PPWD1: variants seen among roughly 807,000 people sequenced by gnomAD.
PPWD1 encodes peptidylprolyl isomerase domain and WD repeat containing 1, also known as peptidylprolyl isomerase domain and WD repeat-containing protein 1.
A neutral mutation model predicts 68.8 loss-of-function variants in PPWD1; 43 were observed. The observed-to-expected ratio is 0.62, with a 90% CI of 0.49 to 0.81. PPWD1 has a LOEUF of 0.81. Ranked by LOEUF, PPWD1 falls within the 30% of genes least tolerant of loss-of-function variation. The probability of loss-of-function intolerance (pLI) is 0.00; values close to 1 mark genes in which losing one functional copy is unlikely to be tolerated. For synonymous variants in PPWD1, 232 were observed against 258.7 expected, an observed-to-expected ratio of 0.90 and a Z score of 0.99; for missense variants, 672 against 804.8, an observed-to-expected ratio of 0.83 and a Z score of 2.00.
At position 65,576,934 on chromosome 5, in the gene PPWD1, G is replaced by T; in HGVS notation, c.1025G>T (p.Arg342Leu). Residue 342 changes from arginine (R) to leucine (L), a missense_variant, in exon 6 of 11, where the codon CGA becomes CTA. By Grantham distance (102) the Arg-to-Leu change is moderately radical. Coordinates refer to ENST00000261308, the MANE Select transcript of PPWD1 (RefSeq NM_015342.4). ...CAGTTACCAGACATGGAATTTGGCC[G>T]ACGAATGGCTGTAGAACGTGAGTTG... ...RQQLPDMEFG[R>L]RMAVERELEK... 6.2e-7 allele frequency: 1 copy of T among 1,614,070 alleles called. No individual in the cohort carries two copies. The highest frequency in any genetic ancestry group is 8.5e-7 in the Non-Finnish European group (1 of 1,179,978).
chr5:65,578,803 T>C (rs1753450354), intron 6 of PPWD1, among the ~76,000 whole-genome samples: 1 of 146,872 alleles, frequency 6.8e-6, no homozygotes, highest in African/African-American at 2.5e-5. Flanking sequence ...TATACATATA[T>C]ATGTGTATAT....
chr5:65,572,286 C>A lies in PPWD1; in HGVS notation c.969C>A (p.Ser323Arg). The A allele has an allele frequency of 6.3e-6, 10 of 1,591,080 alleles. No homozygotes were observed. The highest frequency in any genetic ancestry group is 1.4e-5 in the African/African-American group (1 of 73,674). The change falls in exon 5 of 11, where the codon AGC becomes AGA. Residue 323 changes from serine to arginine, a missense_variant and splice_region_variant. This residue lies in a region of PPWD1 where 484 missense variants were observed against 646.2 expected (regional missense o/e 0.75). Transcript: ENST00000261308. ...KLMRVFDESL[S>R]MFTELQQMRQ... The stretch of plus-strand genomic sequence containing the variant: ...TGAGAGTCTTTGATGAATCACTAAG[C>A]GTAAGTGTAATTTAAATTTAACCGT...
At chr5:65,577,935 A>G (rs531123073) in intron 6 of PPWD1, among the ~76,000 whole-genome samples, 19 of 152,272 alleles carry the variant, frequency 1.2e-4, no homozygotes, top group Middle Eastern at 3.4e-3. Flanking sequence ...TGTATATTCT[A>G]TAGGTTTGGA....
At chr5:65,587,549 A>AG, downstream of PPWD1, 1 of 646,080 alleles carries the variant, frequency 1.5e-6, no homozygotes, top group Non-Finnish European at 2.4e-6. Flanking sequence ...TTTAAAAATT[A>AG]CCTTTGACTT....
intron 2 of PPWD1, chr5:65,569,261 G>T: frequency 3.5e-6 from 1 of 285,610 alleles, no homozygotes; most frequent in Non-Finnish European, 6.8e-6. Flanking sequence ...AGTATGTTTA[G>T]ATTTACTTAT....
At position 65,587,402 on chromosome 5, in the gene PPWD1, GATTT is replaced by G; in HGVS notation, c.*7_*10del. On this transcript the variant is annotated 3_prime_UTR_variant, in exon 11 of 11. Transcript: ENST00000261308. ...TAAATATTACTGTCAAGTAAAATAA[GATTT>G]GTTTTAATGTACTTGCAAATAAAAA... 1.3e-6 allele frequency: 2 copies of G among 1,594,778 alleles called. No individual in the cohort carries two copies. Among genetic ancestry groups the G allele is most frequent in the Non-Finnish European group, 8.6e-7 (1 of 1,166,166 alleles).
intron 5 of PPWD1, among the ~76,000 whole-genome samples, chr5:65,575,423 A>C (rs916457095): frequency 6.6e-6 from 1 of 152,358 alleles, no homozygotes; most frequent in South Asian, 2.1e-4. Flanking sequence ...ACTGTTCTGT[A>C]AGACCTTGAC....
intron 1 of PPWD1, among the ~76,000 whole-genome samples, chr5:65,565,134 T>C (rs371623213): frequency 6.6e-6 from 1 of 152,392 alleles, no homozygotes; most frequent in East Asian, 1.9e-4. Flanking sequence ...TTTATGGCAC[T>C]TGCCGCAGTT....
rs538430674 is a variant in PPWD1, at chr5:65,586,185, A to C, written c.1797+4A>C. The C allele has an allele frequency of 9.9e-6, 16 of 1,609,082 alleles. 1 individual carries two copies. The South Asian group carries it at 1.7e-4, about 17-fold the overall frequency. On this transcript the variant is annotated splice_donor_region_variant and intron_variant, in intron 10 of 10. Coordinates refer to ENST00000261308, the MANE Select transcript of PPWD1 (RefSeq NM_015342.4). ...TTTCATAACGGTAGTACCAACGGTA[A>C]GTACAGTATCATTGTTTATAAACTA... is the stretch of plus-strand genomic sequence containing the variant.
intron 2 of PPWD1, among the ~76,000 whole-genome samples, chr5:65,569,205 T>C (rs370898290): frequency 6.6e-6 from 1 of 152,152 alleles, no homozygotes; most frequent in East Asian, 1.9e-4. Flanking sequence ...ATACCTTGTA[T>C]AGGATATAAA....
intron 7 of PPWD1, among the ~76,000 whole-genome samples, chr5:65,582,277 G>C (rs912500907): frequency 6.6e-6 from 1 of 152,082 alleles, no homozygotes; most frequent in African/African-American, 2.4e-5. Flanking sequence ...ACAACTGAAA[G>C]GTTTTTCTCA....
In PPWD1 at chr5:65,583,192, A is replaced by G; in HGVS notation, c.1505A>G (p.Asp502Gly). Residue 502 changes from aspartate to glycine, a missense_variant, in exon 8 of 11, where the codon GAC (aspartate) becomes GGC (glycine). This residue lies in a region of PPWD1 where 484 missense variants were observed against 646.2 expected (regional missense o/e 0.75). Coordinates refer to ENST00000261308, the MANE Select transcript of PPWD1 (RefSeq NM_015342.4). ...GCCATTATCCACACCAGCATGGGAG[A>G]CATTCACACCAAACTTTTTCCTGTT... ...DSAIIHTSMG[D>G]IHTKLFPVEC... 1.9e-6 allele frequency: 3 copies of G among 1,594,664 alleles called. No individual in the cohort carries two copies. Among genetic ancestry groups the G allele is most frequent in the Non-Finnish European group, 2.6e-6 (3 of 1,172,950 alleles).
At chr5:65,584,827 G>A in intron 8 of PPWD1, 187 bp from the exon 9 acceptor site, 1 of 378,982 alleles carries the variant, frequency 2.6e-6, no homozygotes, top group Non-Finnish European at 3.6e-6. Context: ...TGAACAATAA[G>A]AATATACTAC....
At chr5:65,574,549 C>T (rs1465910406) in intron 5 of PPWD1, among the ~76,000 whole-genome samples, 1 of 150,162 alleles carries the variant, frequency 6.7e-6, no homozygotes, top group Non-Finnish European at 1.5e-5. Context: ...CTGCAAGCTC[C>T]GCTTCCCGGG....
chr5:65,573,477 T>TATATATA (rs1561725705), intron 5 of PPWD1, among the ~76,000 whole-genome samples: 3 of 20,156 alleles, frequency 1.5e-4, no homozygotes, highest in Admixed American at 3.4e-4. Context: ...ATATATATAT[T>TATATATA]TTTTTTTTAT....
intron 9 of PPWD1, among the ~76,000 whole-genome samples, chr5:65,585,437 C>G (rs1248110255): frequency 6.6e-6 from 1 of 152,132 alleles, no homozygotes; most frequent in Non-Finnish European, 1.5e-5. Flanking sequence ...TATGATTTTT[C>G]AATCATAGAG....
intron 1 of PPWD1, among the ~76,000 whole-genome samples, chr5:65,566,644 C>T (rs1007564546): frequency 2.0e-5 from 3 of 151,958 alleles, no homozygotes; most frequent in African/African-American, 4.8e-5. Context: ...TTTTTAGGCA[C>T]GTTTGGTCAT....
At chr5:65,585,155 T>G in intron 9 of PPWD1, 60 bp downstream of exon 9, 2 of 1,485,626 alleles carry the variant, frequency 1.3e-6, no homozygotes, top group Non-Finnish European at 1.9e-6. Flanking sequence ...AGCAAGAGAT[T>G]TAAGCGCAAG....
intron 1 of PPWD1, among the ~76,000 whole-genome samples, chr5:65,564,428 A>C (rs1273309337): frequency 1.3e-5 from 2 of 149,974 alleles, no homozygotes; most frequent in Non-Finnish European, 2.9e-5. Flanking sequence ...TCCGGGGTTC[A>C]AGCGATTCTC....
Sources: allele counts gnomAD v4.1 joint callset (sites outside exome capture counted in the v4.1 genomes callset), GRCh38; gene constraint gnomAD v4.1.1; regional missense constraint gnomAD v4.1.1; transcripts MANE v1.5; gene names NCBI Gene and HGNC (gene_info 2026-07-23, HGNC 2026-07-21).